The following AOX1 variants were observed in gnomAD, a reference collection of about 807,000 sequenced individuals.
AOX1 encodes the protein aldehyde oxidase 1.
AOX1 carries 153 observed loss-of-function variants against 169.5 expected under a neutral mutation model. That is an observed-to-expected ratio of 0.90 (90% confidence interval 0.79 to 1.03). The LOEUF (loss-of-function observed/expected upper bound fraction) is 1.03, where lower values mean the gene tolerates loss of function less well. Ranked by LOEUF, AOX1 falls within the 50% of genes least tolerant of loss-of-function variation. The pLI is 0.00. For missense variants in AOX1, 1,656 were observed against 1,663.9 expected (o/e 1.00, Z 0.08); for synonymous variants, 562 against 581.9 (o/e 0.97, Z 0.49).
At chr2:200,641,867 A>C (rs559578435) in intron 24 of AOX1, among the ~76,000 whole-genome samples, 1 of 152,124 alleles carries the variant, frequency 6.6e-6, no homozygotes, top group Non-Finnish European at 1.5e-5. Flanking sequence ...ACCAGGCCAG[A>C]CGCAGTGGCT....
intron 23 of AOX1, among the ~76,000 whole-genome samples, chr2:200,640,552 C>T (rs1318136615): frequency 6.6e-6 from 1 of 152,142 alleles, no homozygotes; most frequent in Non-Finnish European, 1.5e-5. Context: ...AATACAACCG[C>T]AAACATGACT....
At chr2:200,660,222 C>CATGTGG (rs1005632551) in intron 29 of AOX1, among the ~76,000 whole-genome samples, 153 bp downstream of exon 29, 3 of 152,198 alleles carry the variant, frequency 2.0e-5, no homozygotes, top group Non-Finnish European at 4.4e-5. Flanking sequence ...TGGCTCTTAG[C>CATGTGG]ATGTGGAAAT....
chr2:200,587,364 C>T (rs982466735), intron 1 of AOX1, among the ~76,000 whole-genome samples: 5 of 152,278 alleles, frequency 3.3e-5, no homozygotes, highest in South Asian at 4.1e-4. Context: ...GTGTTGGTGC[C>T]GGTTCATTCA....
intron 3 of AOX1, among the ~76,000 whole-genome samples, chr2:200,596,280 G>A (rs1414131192): frequency 6.6e-6 from 1 of 152,162 alleles, no homozygotes; most frequent in Non-Finnish European, 1.5e-5. Context: ...GTTCATGAGG[G>A]ATTTCTCTTT....
chr2:200,621,746 T>TTTTTA (rs1035040088), intron 18 of AOX1, among the ~76,000 whole-genome samples: 2 of 152,114 alleles, frequency 1.3e-5, no homozygotes, highest in Admixed American at 1.3e-4. Flanking sequence ...CGCTTTTTAT[T>TTTTTA]TTTTATTTTA....
chr2:200,627,632 T>C lies in AOX1; in HGVS notation c.2221+183T>C, dbSNP rs1214518938. On this transcript the variant is annotated intron_variant, in intron 20 of 34. Coordinates refer to ENST00000374700, the MANE Select transcript of AOX1 (RefSeq NM_001159.4). ...GTCTCTGGGGTAGGCCAAGAGCCAA[T>C]GGGGAGGCAAAAGAGGAGGCAAGAC... is the stretch of plus-strand genomic sequence containing the variant. Among the ~76,000 whole-genome samples the C allele has an allele frequency of 3.3e-5, 5 of 152,170 alleles. No homozygotes were observed. The East Asian group carries it at 7.7e-4, about 24-fold the overall frequency.
intron 20 of AOX1, among the ~76,000 whole-genome samples, chr2:200,631,383 G>A (rs987658060): frequency 6.6e-6 from 1 of 152,184 alleles, no homozygotes; most frequent in African/African-American, 2.4e-5. Context: ...AGAACAATCT[G>A]TATAAAAGGA....
intron 18 of AOX1, 134 bp from the exon 19 acceptor site, chr2:200,623,727 G>A (rs1282563357): frequency 7.3e-7 from 1 of 1,362,406 alleles, no homozygotes; most frequent in Non-Finnish European, 1.0e-6. Flanking sequence ...ATGGACAGAT[G>A]TGGAGGGGTC....
chr2:200,602,371 A>C (rs1468591603), intron 6 of AOX1, 26 bp downstream of exon 6: 3 of 1,606,742 alleles, frequency 1.9e-6, no homozygotes, highest in African/African-American at 1.3e-5. Flanking sequence ...CACATGTTTG[A>C]GTATGTTTTC....
intron 18 of AOX1, among the ~76,000 whole-genome samples, chr2:200,623,248 C>G (rs745809587): frequency 2.0e-5 from 3 of 152,206 alleles, no homozygotes; most frequent in Non-Finnish European, 4.4e-5. Context: ...CTGCTGTGGT[C>G]CCTGTGTGAA....
intron 33 of AOX1, among the ~76,000 whole-genome samples, chr2:200,669,069 C>T (rs1315226545): frequency 3.3e-5 from 5 of 152,152 alleles, no homozygotes; most frequent in African/African-American, 1.2e-4. Flanking sequence ...TAATCATCTT[C>T]TGTATGTAGG....
chr2:200,667,386 G>A (rs371895437), intron 32 of AOX1, among the ~76,000 whole-genome samples: 52 of 151,988 alleles, frequency 3.4e-4, no homozygotes, highest in East Asian at 1.6e-3. Context: ...TGCGTGTCTC[G>A]AACCTGGAGG....
chr2:200,591,094 T>A (rs1366926088), intron 1 of AOX1, among the ~76,000 whole-genome samples: 1 of 152,210 alleles, frequency 6.6e-6, no homozygotes, highest in African/African-American at 2.4e-5. Context: ...CTTCTTGGTA[T>A]CTCATACCAA....
intron 27 of AOX1, 69 bp downstream of exon 27, chr2:200,657,006 G>A: frequency 9.2e-7 from 1 of 1,083,162 alleles, no homozygotes; most frequent in Non-Finnish European, 1.3e-6. Flanking sequence ...GAAAAACTAT[G>A]AATGGATATT....
At chr2:200,638,842 C>A (rs1346493290) in intron 23 of AOX1, among the ~76,000 whole-genome samples, 1 of 152,094 alleles carries the variant, frequency 6.6e-6, no homozygotes, top group Non-Finnish European at 1.5e-5. Flanking sequence ...CTCTAAGAAA[C>A]AACTTAAAAG....
At chr2:200,665,429 T>A (rs2035907784) in intron 31 of AOX1, among the ~76,000 whole-genome samples, 1 of 152,074 alleles carries the variant, frequency 6.6e-6, no homozygotes, top group Non-Finnish European at 1.5e-5. Context: ...TACAGCTTTG[T>A]GGGTTGTTTT....
intron 23 of AOX1, among the ~76,000 whole-genome samples, chr2:200,638,839 A>C (rs1000299855): frequency 2.0e-5 from 3 of 152,208 alleles, no homozygotes; most frequent in Admixed American, 2.0e-4. Context: ...CTTCTCTAAG[A>C]AACAACTTAA....
intron 20 of AOX1, among the ~76,000 whole-genome samples, chr2:200,628,200 C>G (rs1156430429): frequency 6.6e-6 from 1 of 152,174 alleles, no homozygotes; most frequent in Non-Finnish European, 1.5e-5. Context: ...TACACACACA[C>G]ACACTTCTGA....
chr2:200,601,300 G>C (rs967403894), intron 5 of AOX1, among the ~76,000 whole-genome samples: 2 of 152,066 alleles, frequency 1.3e-5, no homozygotes, highest in Admixed American at 6.5e-5. Flanking sequence ...GATTACCAGG[G>C]CCTGGGGAAC....
Sources: gnomAD v4.1 joint callset for allele counts (sites outside exome capture counted in the v4.1 genomes callset) on GRCh38, gnomAD v4.1.1 for gene constraint, MANE v1.5 for transcripts, NCBI Gene and HGNC (gene_info 2026-07-23, HGNC 2026-07-21) for gene names.